Variants in STK32B observed in about 807,000 individuals in gnomAD.
The protein encoded by STK32B is serine/threonine-protein kinase 32B.
In STK32B, 43 loss-of-function variants were observed where a neutral mutation model predicts 52.6. The ratio of observed to expected loss-of-function variants is 0.82; its 90% CI spans 0.64 to 1.05. The LOEUF is 1.05. Among genes scored for constraint, STK32B ranks in the 50% least tolerant of loss-of-function variants. The pLI is 0.00. For missense variants in STK32B, 621 were observed against 534.6 expected (o/e 1.16, Z -1.59); for synonymous variants, 238 against 204.3 (o/e 1.17, Z -1.41).
At chr4:5,206,045 C>T (rs1325665184) in intron 3 of STK32B, among the ~76,000 whole-genome samples, 1 of 152,258 alleles carries the variant, frequency 6.6e-6, no homozygotes, top group East Asian at 1.9e-4. Flanking sequence ...GAAGTTGAAC[C>T]AAAAATCTTT....
intron 1 of STK32B, among the ~76,000 whole-genome samples, chr4:5,093,613 A>G (rs1464812125): frequency 6.6e-6 from 1 of 152,190 alleles, no homozygotes; most frequent in Non-Finnish European, 1.5e-5. Flanking sequence ...CCTAATGTTA[A>G]ATGATGAGTT....
chr4:5,228,665 G>A (rs984907802), intron 3 of STK32B, among the ~76,000 whole-genome samples: 1 of 152,074 alleles, frequency 6.6e-6, no homozygotes, highest in African/African-American at 2.4e-5. Flanking sequence ...TGGTTCCCAG[G>A]GCATATAAAA....
At chr4:5,256,817 G>A (rs1457062937) in intron 3 of STK32B, among the ~76,000 whole-genome samples, 2 of 152,176 alleles carry the variant, frequency 1.3e-5, no homozygotes, top group African/African-American at 4.8e-5. Flanking sequence ...TCTTAAAAAT[G>A]AACGATGTCA....
intron 3 of STK32B, among the ~76,000 whole-genome samples, chr4:5,252,561 C>A (rs982978973): frequency 3.3e-5 from 5 of 152,168 alleles, no homozygotes; most frequent in African/African-American, 9.7e-5. Context: ...TTGTCCCTTG[C>A]AGTTTGGTCA....
rs747659560 is a variant in STK32B at position 5,446,689 on chromosome 4, G to A, written c.579G>A (p.Gln193=). ...TKPYMAPEVF[Q]VYMDRGPGYS... ...CGTTGGCAGCTCCAGAAGTATTCCA[G>A]GTGTACATGGACAGAGGCCCCGGAT... is the stretch of plus-strand genomic sequence containing the variant. The change falls in exon 7 of 12, where the codon CAG becomes CAA. Residue 193 remains glutamine (Q), a synonymous_variant. Coordinates refer to ENST00000282908, the MANE Select transcript of STK32B (RefSeq NM_018401.3). The A allele has an allele frequency of 5.0e-6, 8 of 1,614,074 alleles. No individual in the cohort carries two copies. The East Asian group carries it at 8.9e-5, about 18-fold the overall frequency.
chr4:5,051,835 G>T lies in STK32B; in HGVS notation c.-29G>T, dbSNP rs370967481. On this transcript the variant is annotated 5_prime_UTR_variant, in exon 1 of 12. Coordinates refer to ENST00000282908, the MANE Select transcript of STK32B (RefSeq NM_018401.3). ...CCGCATCCGGCATCCCAGCGGCCGG[G>T]CATGTAGCAGCGGCAGCAACGGCGG... 33 of 1,584,446 alleles carry T rather than the reference G, an allele frequency of 2.1e-5. No individual in the cohort carries two copies. Among genetic ancestry groups the T allele is most frequent in the Middle Eastern group, 3.3e-4 (2 of 6,046 alleles).
At chr4:5,044,274 G>A in the STK32B span, among the ~76,000 whole-genome samples, 2 of 152,010 alleles carry the variant, frequency 1.3e-5, no homozygotes, top group African/African-American at 4.8e-5. Flanking sequence ...TCCAATCTCA[G>A]GGCCTTAAAC....
chr4:5,063,330 A>T (rs2108760165), intron 1 of STK32B, among the ~76,000 whole-genome samples: 1 of 152,164 alleles, frequency 6.6e-6, no homozygotes, highest in Middle Eastern at 3.4e-3. Context: ...AACCAAACAT[A>T]CCCCAAAGAT....
At chr4:5,358,325 T>G (rs1245742279) in intron 4 of STK32B, among the ~76,000 whole-genome samples, 1 of 152,112 alleles carries the variant, frequency 6.6e-6, no homozygotes, top group Non-Finnish European at 1.5e-5. Context: ...TCCAATAAAT[T>G]AGAAACTGTT....
At chr4:5,326,016 C>T (rs1160963691) in intron 3 of STK32B, among the ~76,000 whole-genome samples, 1 of 152,172 alleles carries the variant, frequency 6.6e-6, no homozygotes, top group Non-Finnish European at 1.5e-5. Context: ...AAGCCACAAC[C>T]TGAATTATTG....
chr4:5,398,511 G>A lies in STK32B; in HGVS notation c.472+267G>A, dbSNP rs1284371860. On this transcript the variant is annotated intron_variant, in intron 5 of 11. Transcript: ENST00000282908. This position sits in a 1 kb window ranked among gnomAD's most constrained non-coding sequence, Gnocchi z 4.9. ...CGTGTGAGGAGGACAGGGCCGCCGTGAGGATGAGCCCGGGGTTCCAACCCC... is the reference window on the plus strand; with the variant it reads ...CGTGTGAGGAGGACAGGGCCGCCGTAAGGATGAGCCCGGGGTTCCAACCCC... Among the ~76,000 whole-genome samples the A allele has an allele frequency of 2.6e-5, 4 of 152,186 alleles. No homozygotes were observed. The highest frequency in any genetic ancestry group is 5.9e-5 in the Non-Finnish European group (4 of 68,046).
At chr4:5,379,906 T>C (rs756793640) in intron 4 of STK32B, among the ~76,000 whole-genome samples, 3 of 152,198 alleles carry the variant, frequency 2.0e-5, no homozygotes, top group Non-Finnish European at 2.9e-5. Flanking sequence ...GATAAAACTT[T>C]GGGATCACCT....
At chr4:5,364,061 A>G (rs527686534) in intron 4 of STK32B, among the ~76,000 whole-genome samples, 7 of 152,094 alleles carry the variant, frequency 4.6e-5, no homozygotes, top group Admixed American at 1.3e-4. Flanking sequence ...ATCAAACCAT[A>G]TCACTTTGCT....
chr4:5,284,213 CA>C (rs1378456994), intron 3 of STK32B, among the ~76,000 whole-genome samples: 1 of 151,858 alleles, frequency 6.6e-6, no homozygotes, highest in African/African-American at 2.4e-5. Flanking sequence ...ACCCGCAAAG[CA>C]AAAAAACTGT....
chr4:5,120,403 A>G (rs1033484651), intron 1 of STK32B, among the ~76,000 whole-genome samples: 3 of 152,238 alleles, frequency 2.0e-5, no homozygotes, highest in African/African-American at 7.2e-5. Flanking sequence ...AGAGATTTTG[A>G]AAGAGGGAGA....
intron 3 of STK32B, among the ~76,000 whole-genome samples, chr4:5,169,145 A>C (rs2108737587): frequency 6.6e-6 from 1 of 152,302 alleles, no homozygotes. Flanking sequence ...CCCACAGGCC[A>C]GCTGAGTGCC....
At chr4:5,140,910 G>T (rs934655558) in intron 2 of STK32B, among the ~76,000 whole-genome samples, 2 of 152,168 alleles carry the variant, frequency 1.3e-5, no homozygotes, top group African/African-American at 2.4e-5. Flanking sequence ...TTTAAAAAAT[G>T]AGAGAGATGC....
chr4:5,274,314 T>C (rs1371896412), intron 3 of STK32B, among the ~76,000 whole-genome samples: 1 of 152,182 alleles, frequency 6.6e-6, no homozygotes, highest in Non-Finnish European at 1.5e-5. Flanking sequence ...AATTTTAAAA[T>C]AGAACCACAA....
chr4:5,462,218 CTA>C (rs990468231), intron 9 of STK32B, among the ~76,000 whole-genome samples: 4 of 151,396 alleles, frequency 2.6e-5, no homozygotes, highest in African/African-American at 7.3e-5. Context: ...GCCTATATGT[CTA>C]TGTGTGCCTG....
Sources: allele counts gnomAD v4.1 joint callset (sites outside exome capture counted in the v4.1 genomes callset), GRCh38; gene constraint gnomAD v4.1.1; non-coding constraint Gnocchi (gnomAD v3.1); transcripts MANE v1.5; gene names NCBI Gene and HGNC (gene_info 2026-07-23, HGNC 2026-07-21).